ZMIZ2: variants seen among roughly 807,000 people sequenced by gnomAD.
The protein encoded by ZMIZ2 is zinc finger MIZ domain-containing protein 2.
ZMIZ2 carries 26 observed loss-of-function variants against 93.9 expected under a neutral mutation model. The ratio of observed to expected loss-of-function variants is 0.28; its 90% CI spans 0.20 to 0.38. The LOEUF is 0.38. Among genes scored for constraint, ZMIZ2 ranks in the 10% least tolerant of loss-of-function variants. The pLI is 1.00. For synonymous variants in ZMIZ2, 485 were observed against 516.4 expected, an observed-to-expected ratio of 0.94 and a Z score of 0.82; for missense variants, 1,023 against 1,235.0, an observed-to-expected ratio of 0.83 and a Z score of 2.57.
Position 44,748,901 on chromosome 7 carries a change from G to C in ZMIZ2, c.-153G>C, listed in dbSNP as rs1230232457. The C allele has an allele frequency of 6.8e-6, 1 of 147,884 alleles. No homozygotes were observed. The highest frequency in any genetic ancestry group is 2.0e-4 in the East Asian group (1 of 5,116). 9.2% of individuals were successfully genotyped at this position (147,884 alleles called of 1,614,324 possible). The stretch of plus-strand genomic sequence containing the variant: ...ATGGCGCGGGTGGCGGCGGCCCCGG[G>C]GCGGCGGGCGGCGCGGAGGGCGGGC... On this transcript the variant is annotated 5_prime_UTR_variant, in exon 1 of 19. Transcript: ENST00000309315.
chr7:44,763,321 G>T lies in ZMIZ2; in HGVS notation c.1768G>T (p.Glu590Ter). ...TGGGCCCAACGGAGAGGACGGGGTG[G>T]AGCAGACAGCTATCAAGGTGTCCCT... Reference protein sequence around the residue: ...TPGPNGEDGVEQTAIKVSLKC... With the variant: ...TPGPNGEDGV The change falls in exon 13 of 19, where the codon GAG becomes TAG. Residue 590 changes from glutamate (E) to a stop codon, truncating the protein, a stop_gained. Coordinates refer to ENST00000309315, the MANE Select transcript of ZMIZ2 (RefSeq NM_031449.4). LOFTEE classifies it high-confidence loss of function. This position sits in a 1 kb window ranked among gnomAD's most constrained non-coding sequence, Gnocchi z 5.6. 1 of 1,614,124 alleles carries T rather than the reference G, an allele frequency of 6.2e-7. No homozygotes were observed. Among genetic ancestry groups the T allele is most frequent in the East Asian group, 2.2e-5 (1 of 44,878 alleles).
chr7:44,762,048 G>T, intron 11 of ZMIZ2, 143 bp downstream of exon 11: 1 of 1,113,664 alleles, frequency 9.0e-7, no homozygotes, highest in African/African-American at 1.7e-5. Context: ...GGACATGGGC[G>T]GGCCGGCCTG....
intron 1 of ZMIZ2, among the ~76,000 whole-genome samples, chr7:44,752,841 A>C (rs989463230): frequency 2.0e-5 from 3 of 152,262 alleles, no homozygotes; most frequent in African/African-American, 4.8e-5. Context: ...TTATGTGAAC[A>C]TAAGTTTTCA....
chr7:44,766,072 C>G lies in ZMIZ2; in HGVS notation c.2243-92C>G, dbSNP rs773271174. On this transcript the variant is annotated intron_variant, in intron 16 of 18. Transcript: ENST00000309315. This position sits in a 1 kb window ranked among gnomAD's most constrained non-coding sequence, Gnocchi z 4.4. ...TTGTTTGTGGGTGAGCACTGCAAGT[C>G]CCACCCATGCCACAGCCAGCCTCCC... is the stretch of plus-strand genomic sequence containing the variant. 1 of 1,496,818 alleles carries G rather than the reference C, an allele frequency of 6.7e-7. No individual in the cohort carries two copies. Among genetic ancestry groups the G allele is most frequent in the Non-Finnish European group, 8.9e-7 (1 of 1,129,862 alleles). The allele number at this position is 1,496,818 out of a possible 1,614,324, so 92.7% of individuals were successfully genotyped here.
In ZMIZ2 at chr7:44,763,458, A is replaced by G; in HGVS notation, c.1860+45A>G. 4 of 1,608,806 alleles carry G rather than the reference A, an allele frequency of 2.5e-6. No homozygotes were observed. The highest frequency in any genetic ancestry group is 3.4e-6 in the Non-Finnish European group (4 of 1,176,598). On this transcript the variant is annotated intron_variant, in intron 13 of 18. Coordinates refer to ENST00000309315, the MANE Select transcript of ZMIZ2 (RefSeq NM_031449.4). The surrounding 1 kb of genome is among the most constrained non-coding windows in gnomAD (Gnocchi z 5.6). ...TCTTGCCGGAATTTGCTGCTGCTAAAATATCTTGAGTCGATACATCAGTGT... is the reference window on the plus strand; with the variant it reads ...TCTTGCCGGAATTTGCTGCTGCTAAGATATCTTGAGTCGATACATCAGTGT...
In ZMIZ2 at chr7:44,766,292, C is replaced by G; in HGVS notation, c.2371C>G (p.Leu791Val). 6.3e-7 allele frequency: 1 copy of G among 1,599,228 alleles called. No homozygotes were observed. Among genetic ancestry groups the G allele is most frequent in the Non-Finnish European group, 8.5e-7 (1 of 1,172,988 alleles). ...CTACCAGTCTGACATTCCCAGCAGC[C>G]TCCTGACTTCAGAGAAGTCTACCGC... ...ISYQSDIPSS[L>V]LTSEKSTACL... The change falls in exon 17 of 19, where the codon CTC becomes GTC. Residue 791 changes from leucine (L) to valine (V), a missense_variant. Physicochemically the swap from Leu to Val is conservative, Grantham distance 32. Transcript: ENST00000309315. This position sits in a 1 kb window ranked among gnomAD's most constrained non-coding sequence, Gnocchi z 4.4.
intron 1 of ZMIZ2, among the ~76,000 whole-genome samples, chr7:44,751,411 G>A (rs1266756281): frequency 6.6e-6 from 1 of 152,252 alleles, no homozygotes; most frequent in Non-Finnish European, 1.5e-5. Context: ...ATGTGCTGCA[G>A]TTGGGGAGCT....
chr7:44,760,398 C>T (rs1328644970), intron 8 of ZMIZ2, 27 bp from the exon 9 acceptor site: 1 of 1,611,140 alleles, frequency 6.2e-7, no homozygotes, highest in Admixed American at 1.7e-5. Flanking sequence ...GGCAATCTGC[C>T]TTGACTGTTT....
In ZMIZ2 at chr7:44,757,894, G is replaced by C. The variant is rs1790755663; in HGVS notation, c.599G>C (p.Gly200Ala). The C allele has an allele frequency of 1.2e-6, 2 of 1,602,574 alleles. No homozygotes were observed. Among genetic ancestry groups the C allele is most frequent in the Admixed American group, 3.5e-5 (2 of 57,868 alleles). ...SFNSQFLQHGGPRGPSVPAGM... is the reference protein window; with the variant it reads ...SFNSQFLQHGAPRGPSVPAGM... The stretch of plus-strand genomic sequence containing the variant: ...AACAGCCAGTTTCTGCAGCATGGAG[G>C]TCCCCGGGGGCCTAGTGTCCCCGCT... Residue 200 changes from glycine to alanine, a missense_variant, in exon 6 of 19, where the codon GGT becomes GCT. Physicochemically the swap from Gly to Ala is moderately conservative, Grantham distance 60. Transcript: ENST00000309315.
intron 7 of ZMIZ2, chr7:44,759,871 C>G: frequency 1.9e-6 from 1 of 527,210 alleles, no homozygotes; most frequent in East Asian, 3.5e-5. Flanking sequence ...GGTGCATGGG[C>G]AGAGCCTACC....
chr7:44,767,378 C>T, intron 18 of ZMIZ2, 138 bp from the exon 19 acceptor site: 1 of 772,450 alleles, frequency 1.3e-6, no homozygotes, highest in Non-Finnish European at 2.2e-6. Flanking sequence ...GGGCCCCGCA[C>T]CCGGCCTGTG....
rs11980575 is a variant in ZMIZ2, at chr7:44,764,463, G to C, written c.1905G>C (p.Gly635=). 3.4e-3 allele frequency: 5,498 copies of C among 1,614,198 alleles called. 169 individuals carry two copies. In the African/African-American group the frequency reaches 0.065, roughly 19 times the overall value. The change falls in exon 14 of 19, where the codon GGG becomes GGC. Residue 635 remains glycine (G), a synonymous_variant. Transcript: ENST00000309315. The part of the protein sequence containing the change: ...ESYLQLNCER[G]TWRCPVCNKT... ...ACCTGCAGCTCAACTGTGAGCGGGG[G>C]ACTTGGAGGTGTCCTGTGTGCAAGT... is the stretch of plus-strand genomic sequence containing the variant.
In ZMIZ2 at chr7:44,766,782, G is replaced by A; in HGVS notation, c.2655+119G>A. Reference sequence around the variant, plus strand: ...CCCCTCAGAGAGCCGGTCAGATAAGGTCAACTAAATGCAGCTTTTGTTCAT... The same window carrying A: ...CCCCTCAGAGAGCCGGTCAGATAAGATCAACTAAATGCAGCTTTTGTTCAT... On this transcript the variant is annotated intron_variant, in intron 18 of 18. Coordinates refer to ENST00000309315, the MANE Select transcript of ZMIZ2 (RefSeq NM_031449.4). The surrounding 1 kb of genome is among the most constrained non-coding windows in gnomAD (Gnocchi z 4.4). 6.8e-7 allele frequency: 1 copy of A among 1,479,824 alleles called. No individual in the cohort carries two copies. The highest frequency in any genetic ancestry group is 9.1e-7 in the Non-Finnish European group (1 of 1,104,412). 91.7% of individuals were successfully genotyped at this position (1,479,824 alleles called of 1,614,324 possible).
chr7:44,766,740 G>A lies in ZMIZ2; in HGVS notation c.2655+77G>A. On this transcript the variant is annotated intron_variant, in intron 18 of 18. Coordinates refer to ENST00000309315, the MANE Select transcript of ZMIZ2 (RefSeq NM_031449.4). This position sits in a 1 kb window ranked among gnomAD's most constrained non-coding sequence, Gnocchi z 4.4. ...GGTGTGTCTGTTCCAGGTGCGTTCT[G>A]GAAGGGAAGACAGTGACCCCTCAGA... is the stretch of plus-strand genomic sequence containing the variant. 4 of 1,576,416 alleles carry A rather than the reference G, an allele frequency of 2.5e-6. No homozygotes were observed. Among genetic ancestry groups the A allele is most frequent in the African/African-American group, 1.4e-5 (1 of 73,902 alleles).
chr7:44,768,574 G>T lies in ZMIZ2; in HGVS notation c.*951G>T, dbSNP rs1042226742. The T allele has an allele frequency of 6.6e-6, 1 of 152,372 alleles. No homozygotes were observed. The highest frequency in any genetic ancestry group is 2.4e-5 in the African/African-American group (1 of 41,478). The allele number at this position is 152,372 out of a possible 1,614,324, so 9.4% of individuals were successfully genotyped here. A position where few individuals can be genotyped will look rare whatever the true frequency, so the allele number is the denominator to read the frequency against. On this transcript the variant is annotated 3_prime_UTR_variant, in exon 19 of 19. Transcript: ENST00000309315. ...CCACCCCATGGGCCCACACCCAGGT[G>T]GGGGAGGAGGAAGCCACTGCATCTG...
In ZMIZ2 at chr7:44,757,520, C is replaced by A; in HGVS notation, c.511C>A (p.Leu171Ile). Residue 171 changes from leucine (L) to isoleucine (I), a missense_variant, in exon 5 of 19, where the codon CTC (leucine) becomes ATC (isoleucine). Physicochemically the swap from Leu to Ile is conservative, Grantham distance 5 (BLOSUM62 2). This residue lies in a region of ZMIZ2 where 656 missense variants were observed against 777.1 expected (regional missense o/e 0.84). Coordinates refer to ENST00000309315, the MANE Select transcript of ZMIZ2 (RefSeq NM_031449.4). ...CACAGCCACAGCCACCGTGGCTGCT[C>A]TCCAGGAGAAGCAGAGCCAGGAGCT... ...TATATATVAA[L>I]QEKQSQELSQ... 6.2e-7 allele frequency: 1 copy of A among 1,609,392 alleles called. No homozygotes were observed. The highest frequency in any genetic ancestry group is 1.1e-5 in the South Asian group (1 of 90,956).
Position 44,760,549 on chromosome 7 carries a change from C to G in ZMIZ2, c.1196C>G (p.Pro399Arg), listed in dbSNP as rs768675620. The change falls in exon 9 of 19, where the codon CCT (proline) becomes CGT (arginine). Residue 399 changes from proline (P) to arginine (R), a missense_variant. Transcript: ENST00000309315. ...PNQEVKSPFL[P>R]DLKPNLNSLH... Reference sequence around the variant, plus strand: ...CAAGAGGTCAAGTCTCCCTTCTTGCCTGATCTCAAGCCCAACCTCAACTCC... The same window carrying G: ...CAAGAGGTCAAGTCTCCCTTCTTGCGTGATCTCAAGCCCAACCTCAACTCC... 6.2e-7 allele frequency: 1 copy of G among 1,614,170 alleles called. No individual in the cohort carries two copies. The highest frequency in any genetic ancestry group is 8.5e-7 in the Non-Finnish European group (1 of 1,180,032).
At position 44,757,398 on chromosome 7, in the gene ZMIZ2, G is replaced by C. The variant is rs753911897; in HGVS notation, c.389G>C (p.Gly130Ala). 3 of 1,602,064 alleles carry C rather than the reference G, an allele frequency of 1.9e-6. No individual in the cohort carries two copies. In the South Asian group the frequency reaches 3.3e-5, roughly 18 times the overall value. ...FTTGYAGGPG[G>A]LGLPSHAARP... The stretch of plus-strand genomic sequence containing the variant: ...TGCAGGTATGCAGGCGGCCCGGGGG[G>C]CCTGGGCCTCCCCTCACATGCTGCA... The change falls in exon 5 of 19, where the codon GGC (glycine) becomes GCC (alanine). Residue 130 changes from glycine (G) to alanine (A), a missense_variant. Gly to Ala is a moderately conservative substitution (Grantham distance 60, BLOSUM62 0). Transcript: ENST00000309315.
At chr7:44,767,401 C>T (rs1204434513) in intron 18 of ZMIZ2, 115 bp from the exon 19 acceptor site, 2 of 897,980 alleles carry the variant, frequency 2.2e-6, no homozygotes, top group Middle Eastern at 2.4e-4. Context: ...TGAGGAGGGG[C>T]TGCTCAGCAT....
Sources: gnomAD v4.1 joint callset for allele counts (sites outside exome capture counted in the v4.1 genomes callset) on GRCh38, gnomAD v4.1.1 for gene constraint, gnomAD v4.1.1 regional missense constraint, Gnocchi (gnomAD v3.1) non-coding constraint, MANE v1.5 for transcripts, NCBI Gene and HGNC (gene_info 2026-07-23, HGNC 2026-07-21) for gene names.